Variants in HEMK2 observed in about 807,000 individuals in gnomAD.
The protein encoded by HEMK2 is HemK methyltransferase 2, ETF1 glutamine and histone H4 lysine.
At chr21:28,714,018 G>A in the HEMK2 span, among the ~76,000 whole-genome samples, 8 of 152,178 alleles carry the variant, frequency 5.3e-5, no homozygotes, top group South Asian at 2.1e-4. Context: ...TTGAGCAGAC[G>A]CTCCTGACCA....
the HEMK2 span, among the ~76,000 whole-genome samples, chr21:28,650,795 G>A: frequency 2.0e-5 from 3 of 152,306 alleles, no homozygotes; most frequent in South Asian, 6.2e-4. Flanking sequence ...GAATCCATGG[G>A]GGTGAATGAT....
At chr21:28,776,480 A>G in the HEMK2 span, among the ~76,000 whole-genome samples, 1 of 152,184 alleles carries the variant, frequency 6.6e-6, no homozygotes, top group African/African-American at 2.4e-5. Flanking sequence ...AAGGCTGTGG[A>G]CTGTGGTTGT....
the HEMK2 span, among the ~76,000 whole-genome samples, chr21:28,735,940 G>A: frequency 0.23 from 35,254 of 152,108 alleles, 4,781 homozygotes; most frequent in African/African-American, 0.36. Context: ...AGCCTCCTGC[G>A]GAAGCCTGGG....
the HEMK2 span, among the ~76,000 whole-genome samples, chr21:28,759,076 G>C: frequency 1.3e-5 from 2 of 152,202 alleles, no homozygotes; most frequent in East Asian, 3.9e-4. Context: ...AGCTTTCTGG[G>C]CATGCAATCT....
the HEMK2 span, among the ~76,000 whole-genome samples, chr21:28,694,712 C>A: frequency 0.011 from 1,654 of 152,168 alleles, 31 homozygotes; most frequent in African/African-American, 0.037. Context: ...AGATTCAGGG[C>A]CGGACGCAGT....
chr21:28,782,804 T>C, the HEMK2 span, among the ~76,000 whole-genome samples: 1 of 152,228 alleles, frequency 6.6e-6, no homozygotes, highest in Non-Finnish European at 1.5e-5. Context: ...AGCCATTGAA[T>C]TGTACACTTT....
At chr21:28,830,149 T>C in the HEMK2 span, among the ~76,000 whole-genome samples, 1 of 152,178 alleles carries the variant, frequency 6.6e-6, no homozygotes, top group African/African-American at 2.4e-5. Context: ...GTATGGTACA[T>C]CCAGACACTT....
chr21:28,622,733 G>A, the HEMK2 span, among the ~76,000 whole-genome samples: 1 of 152,120 alleles, frequency 6.6e-6, no homozygotes, highest in Non-Finnish European at 1.5e-5. Context: ...AATGGGAAAA[G>A]GATTCCCTAT....
At chr21:28,778,770 T>C in the HEMK2 span, among the ~76,000 whole-genome samples, 1 of 152,358 alleles carries the variant, frequency 6.6e-6, no homozygotes, top group Non-Finnish European at 1.5e-5. Flanking sequence ...TTAAATTTTT[T>C]ACCTGACTTT....
the HEMK2 span, among the ~76,000 whole-genome samples, chr21:28,688,695 C>A: frequency 4.6e-5 from 7 of 151,902 alleles, no homozygotes; most frequent in Non-Finnish European, 1.0e-4. Flanking sequence ...ACTACAGATG[C>A]GTAAAAATTT....
the HEMK2 span, among the ~76,000 whole-genome samples, chr21:28,760,247 TTTGC>T: frequency 6.6e-6 from 1 of 152,200 alleles, no homozygotes; most frequent in South Asian, 2.1e-4. Context: ...TCAATTAGGC[TTTGC>T]AGCATATTTC....
the HEMK2 span, among the ~76,000 whole-genome samples, chr21:28,581,878 A>G: frequency 6.6e-6 from 1 of 152,334 alleles, no homozygotes; most frequent in East Asian, 1.9e-4. Flanking sequence ...GAAGCTTGCA[A>G]TGGCTGATAC....
At chr21:28,773,201 C>A in the HEMK2 span, among the ~76,000 whole-genome samples, 1 of 152,088 alleles carries the variant, frequency 6.6e-6, no homozygotes, top group African/African-American at 2.4e-5. Context: ...TGGGACCACA[C>A]CAAATACCAC....
the HEMK2 span, among the ~76,000 whole-genome samples, chr21:28,693,168 T>C: frequency 6.6e-6 from 1 of 152,166 alleles, no homozygotes; most frequent in Non-Finnish European, 1.5e-5. Flanking sequence ...ATGTCTCCAG[T>C]AAAAACTTTT....
chr21:28,829,880 T>G, the HEMK2 span, among the ~76,000 whole-genome samples: 6 of 152,210 alleles, frequency 3.9e-5, no homozygotes, highest in Non-Finnish European at 7.3e-5. Context: ...TTTGGCAAAC[T>G]GTCATGAAAT....
chr21:28,878,228 A>C, the HEMK2 span: 3 of 1,599,116 alleles, frequency 1.9e-6, no homozygotes. Context: ...AAATAGAATA[A>C]TCCTCTTGGT....
At chr21:28,879,804 ATTCAT>A in the HEMK2 span, 1 of 1,229,960 alleles carries the variant, frequency 8.1e-7, no homozygotes, top group East Asian at 2.7e-5. Context: ...ATAGGATGAC[ATTCAT>A]TTGATTTTAC....
the HEMK2 span, among the ~76,000 whole-genome samples, chr21:28,681,953 A>G: frequency 2.0e-5 from 3 of 152,244 alleles, no homozygotes; most frequent in African/African-American, 7.2e-5. Context: ...AAACCCTAGA[A>G]GAAAACCTAG....
the HEMK2 span, among the ~76,000 whole-genome samples, chr21:28,709,686 C>G: frequency 6.6e-6 from 1 of 152,128 alleles, no homozygotes; most frequent in Non-Finnish European, 1.5e-5. Context: ...GAGCTCCCAC[C>G]TTTGCCAGAC....
Sources: allele counts gnomAD v4.1 joint callset (sites outside exome capture counted in the v4.1 genomes callset), GRCh38; gene constraint gnomAD v4.1.1; transcripts MANE v1.5; gene names NCBI Gene and HGNC (gene_info 2026-07-23, HGNC 2026-07-21).